The following CNTLN variants were observed in gnomAD, a reference collection of about 807,000 sequenced individuals.
CNTLN encodes centlein.
CNTLN carries 212 observed loss-of-function variants against 180.0 expected under a neutral mutation model. That is an observed-to-expected ratio of 1.18 (90% confidence interval 1.05 to 1.32). CNTLN has a LOEUF of 1.32. CNTLN is among the 40% of genes most tolerant of loss of function. CNTLN has a pLI of 0.00. For synonymous variants in CNTLN, 722 were observed against 563.1 expected (o/e 1.28, Z -3.99); for missense variants, 2,095 against 1,610.9 (o/e 1.30, Z -5.14).
intron 5 of CNTLN, among the ~76,000 whole-genome samples, chr9:17,262,245 A>C (rs1469308632): frequency 6.6e-6 from 1 of 151,574 alleles, no homozygotes; most frequent in African/African-American, 2.4e-5. Context: ...AAAGGGTTAT[A>C]AATCATTCTA....
chr9:17,359,740 A>C (rs1266617921), intron 12 of CNTLN, among the ~76,000 whole-genome samples: 2,292 of 123,268 alleles, frequency 0.019, 181 homozygotes, highest in African/African-American at 0.063. Context: ...AAAAAAAAAA[A>C]AAAAAAAAAA....
At chr9:17,385,875 G>T (rs995976430) in intron 13 of CNTLN, among the ~76,000 whole-genome samples, 2 of 152,116 alleles carry the variant, frequency 1.3e-5, no homozygotes, top group Non-Finnish European at 2.9e-5. Flanking sequence ...GGTATCCCAG[G>T]AAGGTCCCTG....
At chr9:17,189,775 C>G (rs576319492) in intron 2 of CNTLN, among the ~76,000 whole-genome samples, 2 of 152,174 alleles carry the variant, frequency 1.3e-5, no homozygotes, top group East Asian at 3.9e-4. Context: ...ACGTGAGCCA[C>G]CGTGCCTGGG....
intron 13 of CNTLN, among the ~76,000 whole-genome samples, chr9:17,382,015 C>G (rs1382737398): frequency 6.6e-6 from 1 of 152,122 alleles, no homozygotes; most frequent in Non-Finnish European, 1.5e-5. Flanking sequence ...GGGATCTGTA[C>G]TGCATCCATG....
intron 12 of CNTLN, among the ~76,000 whole-genome samples, chr9:17,359,145 A>G (rs931314443): frequency 2.0e-5 from 3 of 151,998 alleles, no homozygotes; most frequent in African/African-American, 4.8e-5. Context: ...CAGCCCCCCA[A>G]GTAGTTGGTA....
chr9:17,254,517 G>A lies in CNTLN; in HGVS notation c.849+17929G>A, dbSNP rs144929772. On this transcript the variant is annotated intron_variant, in intron 5 of 25. Coordinates refer to ENST00000380647, the MANE Select transcript of CNTLN (RefSeq NM_017738.4). ...AGGGTCCAAATTCATTCATTTGTGA[G>A]TAGATATCTAGTTTTTCTGGCAACA... is the stretch of plus-strand genomic sequence containing the variant. Among the ~76,000 whole-genome samples the A allele has an allele frequency of 4.3e-3, 643 of 150,856 alleles. 6 individuals carry two copies. The highest frequency in any genetic ancestry group is 8.3e-3 in the Admixed American group (126 of 15,096).
intron 1 of CNTLN, among the ~76,000 whole-genome samples, chr9:17,138,821 G>C (rs1817890127): frequency 1.3e-5 from 2 of 152,080 alleles, no homozygotes; most frequent in Admixed American, 6.5e-5. Flanking sequence ...ATTATTTTTT[G>C]TGGGACTAGG....
chr9:17,459,293 G>A (rs546804496), intron 19 of CNTLN, among the ~76,000 whole-genome samples: 1 of 151,778 alleles, frequency 6.6e-6, no homozygotes, highest in South Asian at 2.1e-4. Context: ...TTTGCATTAT[G>A]GTTTTCCATG....
the CNTLN span, among the ~76,000 whole-genome samples, chr9:17,517,763 G>A: frequency 1.3e-5 from 2 of 152,112 alleles, no homozygotes; most frequent in African/African-American, 2.4e-5. Context: ...GAAGTGTGAA[G>A]GAATACATTT....
At chr9:17,477,076 T>A (rs369420975) in intron 23 of CNTLN, among the ~76,000 whole-genome samples, 26 of 152,272 alleles carry the variant, frequency 1.7e-4, no homozygotes, top group African/African-American at 5.3e-4. Context: ...TTATGCTAAA[T>A]CTACTGTGCC....
chr9:17,351,217 G>T (rs1304220237), intron 12 of CNTLN, among the ~76,000 whole-genome samples: 1 of 152,050 alleles, frequency 6.6e-6, no homozygotes, highest in Non-Finnish European at 1.5e-5. Flanking sequence ...GCTGTTTACT[G>T]TTGCAGTATT....
At chr9:17,349,274 T>A (rs981754708) in intron 12 of CNTLN, among the ~76,000 whole-genome samples, 2 of 152,190 alleles carry the variant, frequency 1.3e-5, no homozygotes, top group Admixed American at 6.5e-5. Context: ...AGTTTCAGCT[T>A]GTTTTTCTAT....
chr9:17,253,761 G>GTTTTTTTTT (rs60517986), intron 5 of CNTLN, among the ~76,000 whole-genome samples: 1 of 142,690 alleles, frequency 7.0e-6, no homozygotes, highest in Non-Finnish European at 1.5e-5. Flanking sequence ...CTTTTCTATT[G>GTTTTTTTTT]TTTTTTTTTT....
intron 14 of CNTLN, among the ~76,000 whole-genome samples, chr9:17,392,202 G>C (rs1272169921): frequency 6.6e-6 from 1 of 152,102 alleles, no homozygotes; most frequent in Non-Finnish European, 1.5e-5. Flanking sequence ...AGGAGGTCAA[G>C]GCTGAAAAAC....
At chr9:17,224,288 A>T (rs1824326302) in intron 2 of CNTLN, among the ~76,000 whole-genome samples, 1 of 152,044 alleles carries the variant, frequency 6.6e-6, no homozygotes, top group African/African-American at 2.4e-5. Context: ...TCTAGTCCCT[A>T]GTCCAATGAC....
intron 8 of CNTLN, among the ~76,000 whole-genome samples, chr9:17,316,112 G>A (rs1819525456): frequency 6.6e-6 from 1 of 151,222 alleles, no homozygotes; most frequent in South Asian, 2.1e-4. Context: ...TGTATTTTGG[G>A]GTTCTTTTGT....
intron 2 of CNTLN, among the ~76,000 whole-genome samples, chr9:17,163,229 A>G (rs1024677068): frequency 6.6e-6 from 1 of 152,078 alleles, no homozygotes; most frequent in Non-Finnish European, 1.5e-5. Context: ...GGTCCCTCCC[A>G]CCACATGTGG....
At chr9:17,520,930 A>G in the CNTLN span, among the ~76,000 whole-genome samples, 117 of 152,300 alleles carry the variant, frequency 7.7e-4, no homozygotes, top group African/African-American at 2.7e-3. Flanking sequence ...AAAATAATCG[A>G]AGCTGCTTCT....
At chr9:17,146,400 C>G (rs1004675330) in intron 2 of CNTLN, among the ~76,000 whole-genome samples, 29 of 152,144 alleles carry the variant, frequency 1.9e-4, no homozygotes, top group African/African-American at 6.0e-4. Flanking sequence ...ATGCTATGAT[C>G]TGAATGTTGG....
Sources: allele counts gnomAD v4.1 joint callset (sites outside exome capture counted in the v4.1 genomes callset), GRCh38; gene constraint gnomAD v4.1.1; transcripts MANE v1.5; gene names NCBI Gene and HGNC (gene_info 2026-07-23, HGNC 2026-07-21).